Variants in LUC7L2 observed in about 807,000 individuals in gnomAD.
LUC7L2 encodes the protein LUC7 like 2, pre-mRNA splicing factor.
A neutral mutation model predicts 52.8 loss-of-function variants in LUC7L2; 25 were observed. The observed-to-expected ratio is 0.47, with a 90% CI of 0.34 to 0.66. LUC7L2 has a LOEUF of 0.66. Ranked by LOEUF, LUC7L2 falls within the 30% of genes least tolerant of loss-of-function variation. The pLI, the probability that LUC7L2 is intolerant of heterozygous loss-of-function variation, is 0.01. For synonymous variants in LUC7L2, 144 were observed against 160.9 expected, an observed-to-expected ratio of 0.89 and a Z score of 0.80; for missense variants, 328 against 497.8, an observed-to-expected ratio of 0.66 and a Z score of 3.25.
chr7:139,362,228 T>A (rs1380603627), intron 1 of LUC7L2, among the ~76,000 whole-genome samples: 1 of 152,162 alleles, frequency 6.6e-6, no homozygotes, highest in Non-Finnish European at 1.5e-5. Flanking sequence ...AAGTAAAAAA[T>A]ATACTACTTT....
At position 139,422,416 on chromosome 7, in the gene LUC7L2, G is replaced by A; in HGVS notation, c.*76G>A. ...TATTGTTTAGTTCACAGCTGTTCAG[G>A]GTGACAGTGAGCAGATCCAGACACC... is the stretch of plus-strand genomic sequence containing the variant. On this transcript the variant is annotated 3_prime_UTR_variant, in exon 10 of 10. Transcript: ENST00000354926. 1 of 1,519,350 alleles carries A rather than the reference G, an allele frequency of 6.6e-7. No individual in the cohort carries two copies. 94.1% of individuals were successfully genotyped at this position (1,519,350 alleles called of 1,614,324 possible). A position where few individuals can be genotyped will look rare whatever the true frequency, so the allele number is the denominator to read the frequency against.
rs1359549726 is a variant in LUC7L2 at position 139,422,892 on chromosome 7, G to A, written c.*552G>A. On this transcript the variant is annotated 3_prime_UTR_variant, in exon 10 of 10. Transcript: ENST00000354926. ...GTGCTGGAGAAATTTAAAATACTGGGGTTTTTTGTTTAATGGTGCCTATTT... is the reference window on the plus strand; with the variant it reads ...GTGCTGGAGAAATTTAAAATACTGGAGTTTTTTGTTTAATGGTGCCTATTT... The A allele has an allele frequency of 1.3e-5, 5 of 398,756 alleles. No homozygotes were observed. Among genetic ancestry groups the A allele is most frequent in the African/African-American group, 4.1e-5 (2 of 48,554 alleles). 24.7% of individuals were successfully genotyped at this position (398,756 alleles called of 1,614,324 possible).
intron 2 of LUC7L2, among the ~76,000 whole-genome samples, chr7:139,384,777 CTG>C (rs1453327913): frequency 6.6e-6 from 1 of 151,194 alleles, no homozygotes; most frequent in African/African-American, 2.4e-5. Flanking sequence ...GGGGGTCTCA[CTG>C]TGTTGTCCAG....
chr7:139,406,707 G>C (rs4732374), intron 5 of LUC7L2, among the ~76,000 whole-genome samples: 58,349 of 151,938 alleles, frequency 0.38, 15,624 homozygotes, highest in African/African-American at 0.76. Flanking sequence ...TTGTCTTTCA[G>C]AAAATCTCTC....
intron 4 of LUC7L2, among the ~76,000 whole-genome samples, chr7:139,405,224 G>A (rs1459104751): frequency 6.6e-6 from 1 of 152,194 alleles, no homozygotes; most frequent in Non-Finnish European, 1.5e-5. Context: ...CAGGCGAGAG[G>A]TAAGGGATCC....
chr7:139,383,909 A>G (rs1794077909), intron 2 of LUC7L2, among the ~76,000 whole-genome samples: 1 of 149,916 alleles, frequency 6.7e-6, no homozygotes, highest in South Asian at 2.1e-4. Context: ...AATTATTATT[A>G]TTATTATTAT....
chr7:139,404,939 A>G lies in LUC7L2; in HGVS notation c.367-705A>G, dbSNP rs139124830. On this transcript the variant is annotated intron_variant, in intron 4 of 9. Coordinates refer to ENST00000354926, the MANE Select transcript of LUC7L2 (RefSeq NM_016019.5). Reference sequence around the variant, plus strand: ...CAGATCTGATGGATTCCTGAACTTGATCCACCAATTCATTTCTTTAACTCA... The same window carrying G: ...CAGATCTGATGGATTCCTGAACTTGGTCCACCAATTCATTTCTTTAACTCA... Among the ~76,000 whole-genome samples the G allele has an allele frequency of 4.9e-3, 744 of 152,364 alleles. 4 individuals carry two copies. Among genetic ancestry groups the G allele is most frequent in the South Asian group, 7.9e-3 (38 of 4,828 alleles).
intron 1 of LUC7L2, among the ~76,000 whole-genome samples, chr7:139,363,994 T>C (rs893572420): frequency 1.8e-4 from 26 of 143,136 alleles, no homozygotes; most frequent in Non-Finnish European, 3.0e-4. Context: ...TTTTTTTTTT[T>C]TTTTTTTTTG....
chr7:139,369,212 A>G (rs1452098658), intron 1 of LUC7L2, among the ~76,000 whole-genome samples: 2 of 152,236 alleles, frequency 1.3e-5, no homozygotes, highest in East Asian at 1.9e-4. Context: ...CCGGCTATCC[A>G]GAGTGCAATT....
chr7:139,354,927 G>A (rs909787582), upstream of LUC7L2, among the ~76,000 whole-genome samples: 6 of 151,896 alleles, frequency 4.0e-5, no homozygotes, highest in South Asian at 2.1e-4. Flanking sequence ...TAAGGTCATG[G>A]CTGATTGCAG....
At chr7:139,392,580 T>G (rs1405193514) in intron 2 of LUC7L2, 1 of 224,312 alleles carries the variant, frequency 4.5e-6, no homozygotes, top group Non-Finnish European at 9.4e-6. Context: ...TTAAAAAATC[T>G]ACAATCTAAG....
intron 1 of LUC7L2, among the ~76,000 whole-genome samples, chr7:139,353,690 G>A (rs541313263): frequency 1.0e-3 from 157 of 152,184 alleles, no homozygotes; most frequent in African/African-American, 3.6e-3. Flanking sequence ...CTACTCAGAA[G>A]GCCGAGGCAG....
chr7:139,346,150 T>G (rs2131148036), intron 1 of LUC7L2: 1 of 152,304 alleles, frequency 6.6e-6, no homozygotes, highest in Middle Eastern at 3.4e-3. Flanking sequence ...GACAGGAGAA[T>G]CGCTTGAACC....
chr7:139,363,495 T>C (rs938081479), intron 1 of LUC7L2, among the ~76,000 whole-genome samples: 2 of 152,206 alleles, frequency 1.3e-5, no homozygotes, highest in African/African-American at 2.4e-5. Context: ...AATCTGTAAT[T>C]TGTTATATGG....
In LUC7L2 at chr7:139,398,491, A is replaced by G. The variant is rs1585115433; in HGVS notation, c.157-108A>G. On this transcript the variant is annotated intron_variant, in intron 2 of 9. Coordinates refer to ENST00000354926, the MANE Select transcript of LUC7L2 (RefSeq NM_016019.5). Reference sequence around the variant, plus strand: ...TTGTAATTTGGAAGCCCCTACATAAAAAAGCATCTGTATGACTTAATATGT... The same window carrying G: ...TTGTAATTTGGAAGCCCCTACATAAGAAAGCATCTGTATGACTTAATATGT... 1.0e-5 allele frequency: 8 copies of G among 801,458 alleles called. No individual in the cohort carries two copies. In the East Asian group the frequency reaches 2.5e-4, roughly 25 times the overall value. 49.6% of individuals were successfully genotyped at this position (801,458 alleles called of 1,614,324 possible).
At chr7:139,387,207 G>A (rs2131247512) in intron 2 of LUC7L2, among the ~76,000 whole-genome samples, 1 of 152,208 alleles carries the variant, frequency 6.6e-6, no homozygotes, top group Admixed American at 6.5e-5. Context: ...AAAGATATGT[G>A]TTGATTTTAC....
intron 1 of LUC7L2, chr7:139,341,365 G>C: frequency 1.9e-6 from 3 of 1,596,776 alleles, no homozygotes; most frequent in Non-Finnish European, 2.6e-6. Context: ...TGGGCACCAC[G>C]CTCGGAGAAG....
At chr7:139,390,660 A>G (rs1345288427) in intron 2 of LUC7L2, among the ~76,000 whole-genome samples, 2 of 148,452 alleles carry the variant, frequency 1.3e-5, no homozygotes, top group East Asian at 2.0e-4. Flanking sequence ...GGTTCACGCC[A>G]TTCTCCTGCC....
At chr7:139,359,741 G>T, upstream of LUC7L2, 1 of 399,876 alleles carries the variant, frequency 2.5e-6, no homozygotes, top group South Asian at 1.1e-4. Flanking sequence ...AGAGTATCGC[G>T]AGATCCGGGG....
Sources: allele counts gnomAD v4.1 joint callset (sites outside exome capture counted in the v4.1 genomes callset), GRCh38; gene constraint gnomAD v4.1.1; transcripts MANE v1.5; gene names NCBI Gene and HGNC (gene_info 2026-07-23, HGNC 2026-07-21).